The following MED20 variants were observed in gnomAD, a reference collection of about 807,000 sequenced individuals.
The protein encoded by MED20 is mediator of RNA polymerase II transcription subunit 20.
Under a neutral mutation model 19.7 loss-of-function variants are expected in MED20, and 19 were observed. The observed-to-expected ratio is 0.96, with a 90% confidence interval of 0.67 to 1.42. The LOEUF is 1.42. MED20 is among the 40% of genes most tolerant of loss of function. MED20 has a pLI of 0.00. For synonymous variants in MED20, 105 were observed against 104.8 expected (o/e 1.00, Z -0.01); for missense variants, 225 against 273.0 (o/e 0.82, Z 1.24).
chr6:41,911,484 A>G (rs1052402324), intron 2 of MED20, among the ~76,000 whole-genome samples: 2 of 152,140 alleles, frequency 1.3e-5, no homozygotes, highest in Non-Finnish European at 2.9e-5. Context: ...AAGACCACAA[A>G]ATAAAACAAG....
chr6:41,917,051 A>G (rs756640669), intron 1 of MED20, 112 bp from the exon 2 acceptor site: 16 of 1,166,842 alleles, frequency 1.4e-5, no homozygotes, highest in Non-Finnish European at 1.8e-5. Flanking sequence ...TATCTTGGAA[A>G]TTACCTACTC....
At chr6:41,918,908 C>G (rs1169429616) in intron 1 of MED20, among the ~76,000 whole-genome samples, 1 of 141,350 alleles carries the variant, frequency 7.1e-6, no homozygotes, top group Non-Finnish European at 1.5e-5. Flanking sequence ...GATTGCGCCA[C>G]TGCAGTCCGC....
rs1043232581 is a variant in MED20, at chr6:41,905,807, G to A, written c.*1265C>T. 2 of 152,124 alleles carry A rather than the reference G, an allele frequency of 1.3e-5. No individual in the cohort carries two copies. The highest frequency in any genetic ancestry group is 4.8e-5 in the African/African-American group (2 of 41,418). 9.4% of individuals were successfully genotyped at this position (152,124 alleles called of 1,614,324 possible). On this transcript the variant is annotated 3_prime_UTR_variant, in exon 4 of 4. Coordinates refer to ENST00000265350, the MANE Select transcript of MED20 (RefSeq NM_004275.5). ...CCATGAAGCATGGTGCAGGTATCAGGGTCAAGTATTCTAACCCTAAGATCA... is the reference window on the plus strand; with the variant it reads ...CCATGAAGCATGGTGCAGGTATCAGAGTCAAGTATTCTAACCCTAAGATCA...
At chr6:41,920,952 T>G (rs1279502820) in intron 1 of MED20, 53 bp downstream of exon 1, 1 of 1,592,670 alleles carries the variant, frequency 6.3e-7, no homozygotes, top group Non-Finnish European at 8.6e-7. Context: ...AGGTCCTCTT[T>G]CCGGCCTTTC....
intron 2 of MED20, among the ~76,000 whole-genome samples, chr6:41,916,017 C>G (rs543886151): frequency 2.0e-5 from 3 of 151,902 alleles, no homozygotes; most frequent in African/African-American, 7.2e-5. Context: ...GAAGCTGAGG[C>G]CAGATAATCC....
chr6:41,910,024 G>C (rs1016547284), intron 2 of MED20, among the ~76,000 whole-genome samples: 5 of 152,128 alleles, frequency 3.3e-5, no homozygotes, highest in Admixed American at 3.3e-4. Context: ...AAGCAGCAAA[G>C]GGGAGTGTCT....
In MED20 at chr6:41,909,242, CTGCTCCTAT is replaced by C; in HGVS notation, c.423+18_423+26del. ...TGCTAAGCAGCCCCCTCAGAACATC[CTGCTCCTAT>C]TTTCACCAAGGTCTTACCTCCACAG... On this transcript the variant is annotated intron_variant, in intron 3 of 3. Transcript: ENST00000265350. 1 of 1,607,186 alleles carries C rather than the reference CTGCTCCTAT, an allele frequency of 6.2e-7. No homozygotes were observed. The highest frequency in any genetic ancestry group is 2.2e-5 in the East Asian group (1 of 44,706).
chr6:41,908,395 C>T (rs996459587), intron 3 of MED20, among the ~76,000 whole-genome samples: 7 of 152,186 alleles, frequency 4.6e-5, no homozygotes, highest in Non-Finnish European at 7.3e-5. Context: ...CACTCTCACT[C>T]CTTGTCACTA....
chr6:41,909,362 A>C lies in MED20; in HGVS notation c.330T>G (p.Ile110Met). The C allele has an allele frequency of 6.2e-7, 1 of 1,614,192 alleles. No individual in the cohort carries two copies. Among genetic ancestry groups the C allele is most frequent in the South Asian group, 1.1e-5 (1 of 91,090 alleles). ...ACTGGTACCTGGTGCCCCGGGTCTC[A>C]ATCTTGCTGGCCTTAGCACTCTGGA... is the stretch of plus-strand genomic sequence containing the variant. The part of the protein sequence containing the change: ...GFFQSAKASK[I>M]ETRGTRYQYC... The change falls in exon 3 of 4, where the codon ATT becomes ATG. Residue 110 changes from isoleucine to methionine, a missense_variant. Coordinates refer to ENST00000265350, the MANE Select transcript of MED20 (RefSeq NM_004275.5).
In MED20 at chr6:41,909,164, ACT is replaced by A. The variant is rs1042571777; in HGVS notation, c.423+103_423+104del. 12 of 1,429,908 alleles carry A rather than the reference ACT, an allele frequency of 8.4e-6. No homozygotes were observed. The African/African-American group carries it at 1.8e-4, about 22-fold the overall frequency. 88.6% of individuals were successfully genotyped at this position (1,429,908 alleles called of 1,614,324 possible). On this transcript the variant is annotated intron_variant, in intron 3 of 3. Transcript: ENST00000265350. The stretch of plus-strand genomic sequence containing the variant: ...ATTCCAGCCTGGGTGACAGAACAAG[ACT>A]CTGTCTCAAAAAAAAAAAAAGAGAA...
At chr6:41,912,447 C>A (rs1775221555) in intron 2 of MED20, among the ~76,000 whole-genome samples, 1 of 150,596 alleles carries the variant, frequency 6.6e-6, no homozygotes, top group Middle Eastern at 3.2e-3. Flanking sequence ...GCCTCTGCCT[C>A]CCAAGTTCAA....
rs906034081 is a variant in MED20 at position 41,905,434 on chromosome 6, C to T, written c.*1638G>A. The T allele has an allele frequency of 9.9e-5, 15 of 152,098 alleles. No individual in the cohort carries two copies. Among genetic ancestry groups the T allele is most frequent in the African/African-American group, 2.4e-4 (10 of 41,494 alleles). 9.4% of individuals were successfully genotyped at this position (152,098 alleles called of 1,614,324 possible). On this transcript the variant is annotated 3_prime_UTR_variant, in exon 4 of 4. Coordinates refer to ENST00000265350, the MANE Select transcript of MED20 (RefSeq NM_004275.5). ...AAAACCAGAAACAAAATAACAAAAA[C>T]GGGGTGAGAACAAAAAATACAGATG... is the stretch of plus-strand genomic sequence containing the variant.
chr6:41,907,287 C>G lies in MED20; in HGVS notation c.424G>C (p.Val142Leu). Residue 142 changes from valine to leucine, a missense_variant and splice_region_variant, in exon 4 of 4, where the codon GTG becomes CTG. Val to Leu is a conservative substitution (Grantham distance 32). Coordinates refer to ENST00000265350, the MANE Select transcript of MED20 (RefSeq NM_004275.5). Reference protein sequence around the residue: ...GPSARGISVEVEYGPCVVASD... With the variant: ...GPSARGISVELEYGPCVVASD... ...GCTACCACACAGGGGCCATACTCCA[C>G]CTGGGAACCAAAAGCACAGAGAATG... The G allele has an allele frequency of 6.2e-7, 1 of 1,609,790 alleles. No individual in the cohort carries two copies. Among genetic ancestry groups the G allele is most frequent in the Non-Finnish European group, 8.5e-7 (1 of 1,177,886 alleles).
intron 2 of MED20, among the ~76,000 whole-genome samples, chr6:41,912,497 C>T (rs1018435240): frequency 3.3e-5 from 5 of 151,552 alleles, no homozygotes; most frequent in African/African-American, 1.2e-4. Flanking sequence ...GCTGGGATTA[C>T]AGGTGCCTGC....
chr6:41,910,556 C>T (rs992437838), intron 2 of MED20, among the ~76,000 whole-genome samples: 1 of 150,544 alleles, frequency 6.6e-6, no homozygotes, highest in African/African-American at 2.4e-5. Context: ...CACCTGAACC[C>T]AGGAGGCAGA....
chr6:41,916,068 G>A (rs1775308404), intron 2 of MED20, among the ~76,000 whole-genome samples: 1 of 151,516 alleles, frequency 6.6e-6, no homozygotes, highest in Admixed American at 6.6e-5. Context: ...TCAACATAGG[G>A]AGACCCTGTC....
At position 41,907,193 on chromosome 6, in the gene MED20, G is replaced by A. The variant is rs1561934316; in HGVS notation, c.518C>T (p.Pro173Leu). The A allele has an allele frequency of 6.2e-7, 1 of 1,614,058 alleles. No homozygotes were observed. The highest frequency in any genetic ancestry group is 8.5e-7 in the Non-Finnish European group (1 of 1,180,034). The part of the protein sequence containing the change: ...SFLGSHTPGA[P>L]AVFGNRHDAV... ...ATCATGTCTGTTCCCAAACACTGCGGGAGCCCCTGGTGTGTGGCTGCCTAG... is the reference window on the plus strand; with the variant it reads ...ATCATGTCTGTTCCCAAACACTGCGAGAGCCCCTGGTGTGTGGCTGCCTAG... Residue 173 changes from proline (P) to leucine (L), a missense_variant, in exon 4 of 4, where the codon CCC (proline) becomes CTC (leucine). Coordinates refer to ENST00000265350, the MANE Select transcript of MED20 (RefSeq NM_004275.5).
Position 41,919,758 on chromosome 6 carries a change from C to T in MED20, c.14+1247G>A, listed in dbSNP as rs373748814. 7.2e-5 allele frequency among the ~76,000 whole-genome samples: 11 copies of T among 152,192 alleles called. No homozygotes were observed. In the East Asian group the frequency reaches 2.1e-3, roughly 29 times the overall value. ...CTGCATGTACAAAACAGCAAGACCC[C>T]ATTTCTATTTCTTTAAAAAAAAGAA... On this transcript the variant is annotated intron_variant, in intron 1 of 3. Transcript: ENST00000265350.
chr6:41,917,837 C>T, intron 1 of MED20: 1 of 467,564 alleles, frequency 2.1e-6, no homozygotes, highest in Non-Finnish European at 4.5e-6. Flanking sequence ...AGCCCAGAGC[C>T]ACAGGTGGCT....
Sources: allele counts gnomAD v4.1 joint callset (sites outside exome capture counted in the v4.1 genomes callset), GRCh38; gene constraint gnomAD v4.1.1; transcripts MANE v1.5; gene names NCBI Gene and HGNC (gene_info 2026-07-23, HGNC 2026-07-21).